Variants in NAALADL2 observed in about 807,000 individuals in gnomAD.
NAALADL2 encodes N-acetylated alpha-linked acidic dipeptidase like 2.
A neutral mutation model predicts 87.2 loss-of-function variants in NAALADL2; 76 were observed. The ratio of observed to expected loss-of-function variants is 0.87; its 90% CI spans 0.72 to 1.05. NAALADL2 has a LOEUF of 1.05. NAALADL2 is among the 50% of genes least tolerant of loss of function. The pLI, the probability that NAALADL2 is intolerant of heterozygous loss-of-function variation, is 0.00. For missense variants in NAALADL2, 1,089 were observed against 945.8 expected, an observed-to-expected ratio of 1.15 and a Z score of -1.99; for synonymous variants, 354 against 331.0, an observed-to-expected ratio of 1.07 and a Z score of -0.75.
At chr3:175,348,851 C>T (rs766091012) in intron 5 of NAALADL2, among the ~76,000 whole-genome samples, 25 of 152,040 alleles carry the variant, frequency 1.6e-4, no homozygotes, top group African/African-American at 6.0e-4. Flanking sequence ...CAATTCAATC[C>T]GTTATAACGT....
chr3:175,283,078 G>A (rs971164164), intron 4 of NAALADL2, among the ~76,000 whole-genome samples: 7 of 151,888 alleles, frequency 4.6e-5, no homozygotes, highest in Admixed American at 3.3e-4. Flanking sequence ...GTTTGTTCCA[G>A]CATTGATAAT....
intron 3 of NAALADL2, among the ~76,000 whole-genome samples, chr3:174,804,590 A>G (rs1160263440): frequency 6.6e-6 from 1 of 152,154 alleles, no homozygotes; most frequent in East Asian, 1.9e-4. Flanking sequence ...TCAGTCTGAT[A>G]CTGGCTGTGG....
chr3:174,539,576 A>G (rs551945637), intron 1 of NAALADL2, among the ~76,000 whole-genome samples: 22 of 152,252 alleles, frequency 1.4e-4, no homozygotes, highest in African/African-American at 5.3e-4. Flanking sequence ...GTGCTATCTT[A>G]TGGTCACCTT....
chr3:174,487,510 T>C (rs1458296140), intron 1 of NAALADL2, among the ~76,000 whole-genome samples: 1 of 151,946 alleles, frequency 6.6e-6, no homozygotes, highest in East Asian at 1.9e-4. Context: ...TCACGTGAAG[T>C]ATACAAGAAA....
intron 2 of NAALADL2, among the ~76,000 whole-genome samples, chr3:175,111,164 G>A (rs1279255551): frequency 6.6e-6 from 1 of 151,642 alleles, no homozygotes; most frequent in Non-Finnish European, 1.5e-5. Context: ...CCAGGTGCGG[G>A]GAAGAAGATG....
At chr3:174,529,796 G>T (rs1721077687) in intron 1 of NAALADL2, among the ~76,000 whole-genome samples, 1 of 152,118 alleles carries the variant, frequency 6.6e-6, no homozygotes, top group Non-Finnish European at 1.5e-5. Context: ...TTCAGCCACG[G>T]CTAGAGCAGC....
At chr3:175,197,340 T>G (rs1479969466) in intron 2 of NAALADL2, among the ~76,000 whole-genome samples, 4 of 152,086 alleles carry the variant, frequency 2.6e-5, no homozygotes, top group Non-Finnish European at 4.4e-5. Flanking sequence ...GTATGTTTTA[T>G]GGTAGTAAAT....
chr3:175,754,114 G>T (rs562081885), intron 12 of NAALADL2, among the ~76,000 whole-genome samples: 2 of 152,288 alleles, frequency 1.3e-5, no homozygotes, highest in South Asian at 4.1e-4. Flanking sequence ...TTTAAAGAAG[G>T]TCTTGAATCA....
At chr3:175,319,913 A>G (rs754117979) in intron 4 of NAALADL2, among the ~76,000 whole-genome samples, 3 of 152,210 alleles carry the variant, frequency 2.0e-5, no homozygotes, top group Non-Finnish European at 2.9e-5. Context: ...TGCTAAGTGC[A>G]AGGTGTACAA....
rs1009787675 is a variant in NAALADL2 at position 175,716,033 on chromosome 3, T to A, written c.1897-21273T>A. ...TGATTAGGTGCTGTGTATAGAGTCA[T>A]GAACAAATAGGCAAGACAGCCACAC... is the stretch of plus-strand genomic sequence containing the variant. On this transcript the variant is annotated intron_variant, in intron 11 of 13. Transcript: ENST00000454872. Among the ~76,000 whole-genome samples the A allele has an allele frequency of 1.7e-4, 26 of 150,866 alleles. No homozygotes were observed. In the East Asian group the frequency reaches 5.1e-3, roughly 29 times the overall value.
intron 4 of NAALADL2, among the ~76,000 whole-genome samples, chr3:175,284,111 A>G (rs369740527): frequency 2.0e-5 from 3 of 152,058 alleles, no homozygotes; most frequent in East Asian, 1.9e-4. Context: ...AAACACAGTT[A>G]TAAGTAAATG....
At chr3:175,087,693 C>T (rs541436518) in intron 1 of NAALADL2, among the ~76,000 whole-genome samples, 67 of 152,176 alleles carry the variant, frequency 4.4e-4, no homozygotes, top group Admixed American at 5.9e-4. Flanking sequence ...CTTTGTTAAA[C>T]AGATGCTTGA....
intron 9 of NAALADL2, among the ~76,000 whole-genome samples, chr3:175,497,105 A>G (rs986259371): frequency 6.6e-6 from 1 of 151,960 alleles, no homozygotes; most frequent in Non-Finnish European, 1.5e-5. Flanking sequence ...ACAGGTTCTC[A>G]CTCTATTCCC....
chr3:175,681,771 A>C (rs1322713280), intron 11 of NAALADL2, among the ~76,000 whole-genome samples: 5 of 152,158 alleles, frequency 3.3e-5, no homozygotes, highest in Non-Finnish European at 7.4e-5. Context: ...AATGTCTGAA[A>C]AATGCAGCTG....
intron 3 of NAALADL2, among the ~76,000 whole-genome samples, chr3:174,750,398 C>T (rs1015766154): frequency 6.6e-6 from 1 of 151,568 alleles, no homozygotes; most frequent in African/African-American, 2.4e-5. Flanking sequence ...TATTTCATTT[C>T]CATTCTTCTT....
At chr3:175,286,947 T>G in intron 4 of NAALADL2, among the ~76,000 whole-genome samples, 1 of 126,060 alleles carries the variant, frequency 7.9e-6, no homozygotes, top group Admixed American at 8.9e-5. Flanking sequence ...CAAGGCAGGG[T>G]GGTCTGTGCC....
At chr3:175,044,057 A>G (rs1199705720) in intron 1 of NAALADL2, among the ~76,000 whole-genome samples, 1 of 151,970 alleles carries the variant, frequency 6.6e-6, no homozygotes, top group Non-Finnish European at 1.5e-5. Flanking sequence ...TCTTTCATCA[A>G]TGTTTTATAG....
chr3:175,174,327 G>A (rs991230013), intron 2 of NAALADL2, among the ~76,000 whole-genome samples: 8 of 151,922 alleles, frequency 5.3e-5, no homozygotes, highest in Non-Finnish European at 1.2e-4. Flanking sequence ...TGCCAAAATT[G>A]TTGTTTCAAA....
At chr3:174,987,197 T>C (rs962821184) in intron 1 of NAALADL2, among the ~76,000 whole-genome samples, 15 of 152,266 alleles carry the variant, frequency 9.9e-5, no homozygotes, top group Admixed American at 2.0e-4. Flanking sequence ...ACCAAAAATA[T>C]GTACATGCTT....
Sources: gnomAD v4.1 joint callset for allele counts (sites outside exome capture counted in the v4.1 genomes callset) on GRCh38, gnomAD v4.1.1 for gene constraint, MANE v1.5 for transcripts, NCBI Gene and HGNC (gene_info 2026-07-23, HGNC 2026-07-21) for gene names.